ATP8A2: variants seen among roughly 807,000 people sequenced by gnomAD.
The protein encoded by ATP8A2 is ATPase phospholipid transporting 8A2, also known as phospholipid-transporting ATPase IB.
ATP8A2 carries 100 observed loss-of-function variants against 165.6 expected under a neutral mutation model. The observed-to-expected ratio is 0.60, with a 90% CI of 0.51 to 0.71. ATP8A2 has a LOEUF of 0.71. Among genes scored for constraint, ATP8A2 ranks in the 30% least tolerant of loss-of-function variants. The probability of loss-of-function intolerance (pLI) is 0.00; values close to 1 mark genes in which losing one functional copy is unlikely to be tolerated. For missense variants in ATP8A2, 1,227 were observed against 1,479.5 expected (o/e 0.83, Z 2.80); for synonymous variants, 543 against 548.8 (o/e 0.99, Z 0.15).
At chr13:25,456,604 G>A (rs1419846306) in intron 1 of ATP8A2, among the ~76,000 whole-genome samples, 1 of 152,200 alleles carries the variant, frequency 6.6e-6, no homozygotes, top group Admixed American at 6.5e-5. Flanking sequence ...CTTAAGGGGT[G>A]AGTAGTAGGC....
intron 2 of ATP8A2, among the ~76,000 whole-genome samples, chr13:25,487,836 T>A (rs2036398703): frequency 6.6e-6 from 1 of 152,024 alleles, no homozygotes; most frequent in African/African-American, 2.4e-5. Context: ...GTAATCTTTC[T>A]CTCTTTCTTT....
intron 35 of ATP8A2, among the ~76,000 whole-genome samples, chr13:25,992,703 T>A (rs1196537017): frequency 6.6e-6 from 1 of 152,084 alleles, no homozygotes; most frequent in African/African-American, 2.4e-5. Context: ...TTTTTTTAAT[T>A]ATACTTTAAG....
At chr13:25,646,158 A>G (rs2041665160) in intron 24 of ATP8A2, among the ~76,000 whole-genome samples, 1 of 152,166 alleles carries the variant, frequency 6.6e-6, no homozygotes, top group South Asian at 2.1e-4. Flanking sequence ...CATTGTTATT[A>G]TATAATGTCC....
chr13:25,985,642 C>T (rs557004400), intron 35 of ATP8A2, among the ~76,000 whole-genome samples: 157 of 152,320 alleles, frequency 1.0e-3, no homozygotes, highest in Admixed American at 2.2e-3. Context: ...TATACTGAGT[C>T]GGGCCCATGG....
intron 27 of ATP8A2, among the ~76,000 whole-genome samples, chr13:25,785,586 T>A (rs1007321959): frequency 1.3e-5 from 2 of 152,210 alleles, no homozygotes; most frequent in Admixed American, 1.3e-4. Context: ...GACATAGTTG[T>A]CTAAAACTTT....
rs117516538 is a variant in ATP8A2, at chr13:25,921,085, A to G, written c.3184-40490A>G. On this transcript the variant is annotated intron_variant, in intron 33 of 36. Transcript: ENST00000381655. ...ATTCTGTCTCAAAACATAAACCACA[A>G]AACAAAACAAAAGCAGAGGGCAGAA... Among the ~76,000 whole-genome samples the G allele has an allele frequency of 9.7e-3, 1,478 of 152,226 alleles. 12 individuals are homozygous for G. The highest frequency in any genetic ancestry group is 0.014 in the Non-Finnish European group (986 of 68,016).
intron 33 of ATP8A2, among the ~76,000 whole-genome samples, chr13:25,887,586 T>G (rs1422644786): frequency 6.6e-6 from 1 of 152,200 alleles, no homozygotes; most frequent in Non-Finnish European, 1.5e-5. Flanking sequence ...TCTTCCCGCC[T>G]CGGCCTCCCA....
At chr13:25,769,933 C>T (rs185631566) in intron 26 of ATP8A2, among the ~76,000 whole-genome samples, 4 of 152,316 alleles carry the variant, frequency 2.6e-5, no homozygotes, top group East Asian at 1.9e-4. Context: ...GAAAGGTCCA[C>T]TCCGTAATGA....
chr13:25,492,349 C>G (rs2137648799), intron 2 of ATP8A2, among the ~76,000 whole-genome samples: 1 of 152,324 alleles, frequency 6.6e-6, no homozygotes, highest in Admixed American at 6.5e-5. Flanking sequence ...AGTCACCATG[C>G]CTGGCCTAGA....
intron 33 of ATP8A2, among the ~76,000 whole-genome samples, chr13:25,895,957 A>T (rs1198187647): frequency 1.3e-5 from 2 of 151,784 alleles, no homozygotes; most frequent in Middle Eastern, 3.4e-3. Flanking sequence ...GCGGTCTATC[A>T]ATTTTGTTGA....
chr13:25,532,427 G>A, intron 5 of ATP8A2, 110 bp downstream of exon 5: 1 of 695,382 alleles, frequency 1.4e-6, no homozygotes, highest in South Asian at 2.1e-5. Context: ...TTGGGAAGAT[G>A]ATCTATAAAA....
At chr13:25,498,270 G>T (rs1397759196) in intron 2 of ATP8A2, among the ~76,000 whole-genome samples, 2 of 152,186 alleles carry the variant, frequency 1.3e-5, no homozygotes, top group African/African-American at 4.8e-5. Context: ...CAATATTTGT[G>T]TGCCTGCTTG....
At chr13:25,805,472 A>G (rs1950714371) in intron 27 of ATP8A2, among the ~76,000 whole-genome samples, 2 of 152,194 alleles carry the variant, frequency 1.3e-5, no homozygotes, top group African/African-American at 2.4e-5. Flanking sequence ...AGCCAAGATC[A>G]TGCCACTGTA....
At chr13:25,788,196 C>A (rs769437395) in intron 27 of ATP8A2, among the ~76,000 whole-genome samples, 2 of 152,214 alleles carry the variant, frequency 1.3e-5, no homozygotes, top group Non-Finnish European at 2.9e-5. Context: ...GAAGTACATA[C>A]ATCAAAAAGT....
intron 24 of ATP8A2, among the ~76,000 whole-genome samples, chr13:25,646,649 C>T (rs55883543): frequency 0.011 from 409 of 38,032 alleles, 3 homozygotes; most frequent in Middle Eastern, 0.058. Context: ...AGTGAGACTC[C>T]ATCTCAAAAA....
At chr13:25,443,409 CTCTG>C (rs1400069560) in intron 1 of ATP8A2, among the ~76,000 whole-genome samples, 1 of 152,090 alleles carries the variant, frequency 6.6e-6, no homozygotes, top group African/African-American at 2.4e-5. Context: ...ATAATAGAAA[CTCTG>C]TCTGACAAAG....
intron 1 of ATP8A2, among the ~76,000 whole-genome samples, chr13:25,392,912 C>CA (rs5802332): frequency 0.65 from 95,673 of 147,424 alleles, 32,462 homozygotes; most frequent in East Asian, 0.82. Context: ...CTCATCTCTA[C>CA]AAAAAAAAAA....
intron 25 of ATP8A2, among the ~76,000 whole-genome samples, chr13:25,729,255 T>C (rs770349652): frequency 4.6e-5 from 7 of 152,260 alleles, no homozygotes; most frequent in Non-Finnish European, 7.3e-5. Context: ...GTTATTACCT[T>C]GTAATACACA....
chr13:25,866,354 G>A lies in ATP8A2; in HGVS notation c.3183+3946G>A, dbSNP rs952956759. Among the ~76,000 whole-genome samples, 9 of 152,170 alleles carry A rather than the reference G, an allele frequency of 5.9e-5. No homozygotes were observed. In the East Asian group the frequency reaches 1.7e-3, roughly 29 times the overall value. On this transcript the variant is annotated intron_variant, in intron 33 of 36. Coordinates refer to ENST00000381655, the MANE Select transcript of ATP8A2 (RefSeq NM_016529.6). ...GAGAATTGTGATGAAGATATAATAG[G>A]CTAACCTGTGGGAAATCTAAAACAT...
Sources: allele counts gnomAD v4.1 joint callset (sites outside exome capture counted in the v4.1 genomes callset), GRCh38; gene constraint gnomAD v4.1.1; transcripts MANE v1.5; gene names NCBI Gene and HGNC (gene_info 2026-07-23, HGNC 2026-07-21).